Variants in DLG2 observed in about 807,000 individuals in gnomAD.
The protein encoded by DLG2 is disks large homolog 2.
DLG2 carries 45 observed loss-of-function variants against 132.5 expected under a neutral mutation model. That is an observed-to-expected ratio of 0.34 (90% CI 0.27 to 0.44). DLG2 has a LOEUF of 0.44. Ranked by LOEUF, DLG2 falls within the 20% of genes least tolerant of loss-of-function variation. The pLI is 1.00. For synonymous variants in DLG2, 424 were observed against 419.6 expected, an observed-to-expected ratio of 1.01 and a Z score of -0.13; for missense variants, 1,045 against 1,196.9, an observed-to-expected ratio of 0.87 and a Z score of 1.87.
At chr11:83,555,800 C>A (rs1382263034) in intron 19 of DLG2, among the ~76,000 whole-genome samples, 2 of 152,116 alleles carry the variant, frequency 1.3e-5, no homozygotes, top group Admixed American at 1.3e-4. Flanking sequence ...TACTTAGTTC[C>A]CAAACACTGT....
intron 6 of DLG2, among the ~76,000 whole-genome samples, chr11:84,915,536 T>C (rs1228423166): frequency 6.6e-6 from 1 of 152,212 alleles, no homozygotes; most frequent in Non-Finnish European, 1.5e-5. Context: ...TCCAAACATA[T>C]GCTATATGAC....
intron 7 of DLG2, among the ~76,000 whole-genome samples, chr11:84,280,062 T>C (rs1198980682): frequency 1.3e-5 from 2 of 152,020 alleles, no homozygotes; most frequent in Admixed American, 6.6e-5. Flanking sequence ...AAATACAGAT[T>C]GGAAACAAAG....
chr11:84,293,960 T>C (rs1156962481), intron 7 of DLG2, among the ~76,000 whole-genome samples: 1 of 152,214 alleles, frequency 6.6e-6, no homozygotes, highest in Non-Finnish European at 1.5e-5. Flanking sequence ...CCATCTTTCC[T>C]TCCCTCCCTG....
intron 3 of DLG2, among the ~76,000 whole-genome samples, chr11:85,539,762 A>C (rs2075838969): frequency 6.6e-6 from 1 of 152,220 alleles, no homozygotes; most frequent in Non-Finnish European, 1.5e-5. Flanking sequence ...AAGTTTTTAA[A>C]GAGTTTGACG....
rs1006156214 is a variant in DLG2, at chr11:85,389,932, C to T, written c.41-104567G>A. Among the ~76,000 whole-genome samples, 3 of 151,920 alleles carry T rather than the reference C, an allele frequency of 2.0e-5. No homozygotes were observed. In the East Asian group the frequency reaches 5.8e-4, roughly 29 times the overall value. On this transcript the variant is annotated intron_variant, in intron 3 of 27. Transcript: ENST00000376104. ...TCCTTAAGGCATGAATCTCACAGGA[C>T]CTATAAAGCAACAACACAATGAAAA...
intron 6 of DLG2, among the ~76,000 whole-genome samples, chr11:84,628,527 A>C (rs1454364294): frequency 6.6e-6 from 1 of 152,210 alleles, no homozygotes; most frequent in Non-Finnish European, 1.5e-5. Context: ...CTTTTATTAT[A>C]AGAACTACAT....
chr11:84,807,884 A>C (rs1418490468), intron 6 of DLG2, among the ~76,000 whole-genome samples: 1 of 152,188 alleles, frequency 6.6e-6, no homozygotes, highest in Non-Finnish European at 1.5e-5. Flanking sequence ...ACAAATAGAC[A>C]AACACATAAT....
At chr11:85,619,360 A>G (rs1252789439) in intron 2 of DLG2, among the ~76,000 whole-genome samples, 1 of 151,600 alleles carries the variant, frequency 6.6e-6, no homozygotes, top group Non-Finnish European at 1.5e-5. Flanking sequence ...TTAATTGGGG[A>G]ATTTTAAATT....
At chr11:84,923,309 C>G in intron 6 of DLG2, 1 of 1,424,328 alleles carries the variant, frequency 7.0e-7, no homozygotes, top group Non-Finnish European at 9.2e-7. Flanking sequence ...CTCAAAATCT[C>G]TTCATTGGCT....
intron 7 of DLG2, among the ~76,000 whole-genome samples, chr11:84,467,133 G>A (rs1039303384): frequency 4.6e-5 from 7 of 151,286 alleles, no homozygotes; most frequent in African/African-American, 1.7e-4. Context: ...GACATCTTGT[G>A]AAATGGCTGA....
At chr11:84,946,300 A>G (rs1259648989) in intron 6 of DLG2, among the ~76,000 whole-genome samples, 1 of 151,896 alleles carries the variant, frequency 6.6e-6, no homozygotes, top group Non-Finnish European at 1.5e-5. Flanking sequence ...CTCCATGGCC[A>G]CCACAGCTGG....
At chr11:84,444,012 T>TC (rs969732278) in intron 7 of DLG2, among the ~76,000 whole-genome samples, 1 of 151,852 alleles carries the variant, frequency 6.6e-6, no homozygotes, top group African/African-American at 2.4e-5. Context: ...CTCCAAAGTT[T>TC]TTTTTTTTTT....
chr11:83,635,618 T>G (rs2064600218), intron 18 of DLG2, among the ~76,000 whole-genome samples: 2 of 152,272 alleles, frequency 1.3e-5, no homozygotes, highest in South Asian at 4.1e-4. Context: ...CATACACACA[T>G]AACCATACAA....
At chr11:84,974,910 C>G (rs1406497646) in intron 6 of DLG2, among the ~76,000 whole-genome samples, 3 of 152,184 alleles carry the variant, frequency 2.0e-5, no homozygotes, top group African/African-American at 4.8e-5. Context: ...GTATAGACTT[C>G]TTGATAAATA....
intron 6 of DLG2, among the ~76,000 whole-genome samples, chr11:84,969,794 T>A (rs1292475635): frequency 6.6e-6 from 1 of 151,914 alleles, no homozygotes; most frequent in Non-Finnish European, 1.5e-5. Context: ...ACAGACTGGA[T>A]AAAGAAAATG....
rs549981625 is a variant in DLG2, at chr11:83,809,760, A to G, written c.1723-22968T>C. ...TTAAAAGTATGAAATAAGTACTGAA[A>G]TGTTTCAATTTTTGTATGGCCCTAA... On this transcript the variant is annotated intron_variant, in intron 17 of 27. Coordinates refer to ENST00000376104, the MANE Select transcript of DLG2 (RefSeq NM_001142699.3). Among the ~76,000 whole-genome samples the G allele has an allele frequency of 2.9e-4, 44 of 152,226 alleles. 1 individual carries two copies. The highest frequency in any genetic ancestry group is 1.7e-3 in the East Asian group (9 of 5,176).
chr11:83,936,622 G>T (rs1338154594), intron 14 of DLG2, among the ~76,000 whole-genome samples: 3 of 152,170 alleles, frequency 2.0e-5, no homozygotes, highest in Admixed American at 6.5e-5. Flanking sequence ...GAGTTTATTG[G>T]AAGATTGAGG....
intron 19 of DLG2, among the ~76,000 whole-genome samples, chr11:83,566,703 AG>A (rs2096714106): frequency 7.0e-6 from 1 of 143,694 alleles, no homozygotes; most frequent in African/African-American, 2.7e-5. Context: ...AGCTAAGGGC[AG>A]AGGGCATGGT....
chr11:85,226,846 C>T (rs1462363020), intron 4 of DLG2, among the ~76,000 whole-genome samples: 1 of 152,118 alleles, frequency 6.6e-6, no homozygotes, highest in East Asian at 1.9e-4. Flanking sequence ...AAGGAGCTTA[C>T]CCCATAGATT....
Sources: allele counts gnomAD v4.1 joint callset (sites outside exome capture counted in the v4.1 genomes callset), GRCh38; gene constraint gnomAD v4.1.1; transcripts MANE v1.5; gene names NCBI Gene and HGNC (gene_info 2026-07-23, HGNC 2026-07-21).